ZNF142: variants seen among roughly 807,000 people sequenced by gnomAD.
ZNF142 encodes the protein zinc finger protein 142, also known as zinc finger protein 142 (clone pHZ-49).
A neutral mutation model predicts 132.1 loss-of-function variants in ZNF142; 96 were observed. That is an observed-to-expected ratio of 0.73 (90% CI 0.62 to 0.86). ZNF142 has a LOEUF of 0.86. Ranked by LOEUF, ZNF142 falls within the 40% of genes least tolerant of loss-of-function variation. The probability of loss-of-function intolerance (pLI) is 0.00; values close to 1 mark genes in which losing one functional copy is unlikely to be tolerated. For synonymous variants in ZNF142, 842 were observed against 890.1 expected, an observed-to-expected ratio of 0.95 and a Z score of 0.96; for missense variants, 2,163 against 2,336.2, an observed-to-expected ratio of 0.93 and a Z score of 1.53.
rs1369290598 is a variant in ZNF142, at chr2:218,644,568, G to T, written c.2548C>A (p.Pro850Thr). Residue 850 changes from proline (P) to threonine (T), a missense_variant, in exon 9 of 11, where the codon CCC becomes ACC. By Grantham distance (38) the Pro-to-Thr change is conservative. This residue lies in a region of ZNF142 where 749 missense variants were observed against 830.3 expected (regional missense o/e 0.90). Coordinates refer to ENST00000411696, the MANE Select transcript of ZNF142 (RefSeq NM_001379659.1). The surrounding 1 kb of genome is among the most constrained non-coding windows in gnomAD (Gnocchi z 4.6). ...TCTGGCAGGGCCTGGTCCAAGCTGG[G>T]GTCCACCACAGTCCCAGGTTCGTGA... ...PGHEPGTVVD[P>T]SLDQALPEMS... is the part of the protein sequence containing the mutation. 1.9e-6 allele frequency: 3 copies of T among 1,614,002 alleles called. No homozygotes were observed. The highest frequency in any genetic ancestry group is 2.7e-5 in the African/African-American group (2 of 74,926).
chr2:218,654,575 A>C (rs1938312273), intron 4 of ZNF142, among the ~76,000 whole-genome samples: 1 of 151,944 alleles, frequency 6.6e-6, no homozygotes, highest in Admixed American at 6.6e-5. Context: ...CATCTTGCCC[A>C]GGCTGGTCTC....
At position 218,633,844 on chromosome 2, in the gene ZNF142, A is replaced by G; in HGVS notation, c.*4495T>C. 6.6e-7 allele frequency: 1 copy of G among 1,507,548 alleles called. No individual in the cohort carries two copies. Among genetic ancestry groups the G allele is most frequent in the Non-Finnish European group, 9.1e-7 (1 of 1,099,572 alleles). The allele number at this position is 1,507,548 out of a possible 1,614,324, so 93.4% of individuals were successfully genotyped here. A position where few individuals can be genotyped will look rare whatever the true frequency, so the allele number is the denominator to read the frequency against. On this transcript the variant is annotated 3_prime_UTR_variant, in exon 11 of 11. Coordinates refer to ENST00000411696, the MANE Select transcript of ZNF142 (RefSeq NM_001379659.1). ...TGGACTGGCAGGTAAGTCCCAAGAA[A>G]AAAGACAAGGTAGCTAAGGAGAGAT...
In ZNF142 at chr2:218,648,906, C is replaced by T. The variant is rs1937699167; in HGVS notation, c.1602G>A (p.Glu534=). ...PMLFATAEAM[E]AHHKSHYAFH... ...AGGCGTAGTGACTCTTGTGGTGGGC[C>T]TCCATGGCTTCGGCTGTGGCAAAGA... Residue 534 remains glutamate, a synonymous_variant, in exon 7 of 11, where the codon GAG becomes GAA. Coordinates refer to ENST00000411696, the MANE Select transcript of ZNF142 (RefSeq NM_001379659.1). 4 of 1,614,106 alleles carry T rather than the reference C, an allele frequency of 2.5e-6. No homozygotes were observed. Among genetic ancestry groups the T allele is most frequent in the Non-Finnish European group, 2.5e-6 (3 of 1,180,046 alleles).
chr2:218,634,327 C>A lies in ZNF142; in HGVS notation c.*4012G>T. On this transcript the variant is annotated 3_prime_UTR_variant, in exon 11 of 11. Transcript: ENST00000411696. This position sits in a 1 kb window ranked among gnomAD's most constrained non-coding sequence, Gnocchi z 4.0. Reference sequence around the variant, plus strand: ...GGGAATGCTCAAGAAAATTGCTAGGCTGAGAAATGCTATCAGTGGATATTA... The same window carrying A: ...GGGAATGCTCAAGAAAATTGCTAGGATGAGAAATGCTATCAGTGGATATTA... 1 of 1,569,576 alleles carries A rather than the reference C, an allele frequency of 6.4e-7. No homozygotes were observed. Among genetic ancestry groups the A allele is most frequent in the Non-Finnish European group, 8.6e-7 (1 of 1,156,198 alleles).
rs772557736 is a variant in ZNF142 at position 218,656,251 on chromosome 2, A to C, written c.179T>G (p.Leu60Arg). The change falls in exon 4 of 11, where the codon CTG (leucine) becomes CGG (arginine). Residue 60 changes from leucine to arginine, a missense_variant. By Grantham distance (102) the Leu-to-Arg change is moderately radical. This residue lies in a region of ZNF142 where 195 missense variants were observed against 172.4 expected (regional missense o/e 1.13). Coordinates refer to ENST00000411696, the MANE Select transcript of ZNF142 (RefSeq NM_001379659.1). Reference sequence around the variant, plus strand: ...CTCTTCAGTTGCTGTGGCCTCTACCAGCAGGCAGCCTGGCTCAGTAGGTAT... The same window carrying C: ...CTCTTCAGTTGCTGTGGCCTCTACCCGCAGGCAGCCTGGCTCAGTAGGTAT... ...APIPTEPGCL[L>R]VEATATEEGP... 8 of 1,613,508 alleles carry C rather than the reference A, an allele frequency of 5.0e-6. No individual in the cohort carries two copies. The highest frequency in any genetic ancestry group is 6.8e-6 in the Non-Finnish European group (8 of 1,179,770).
At chr2:218,640,478 T>G (rs576059270) in intron 10 of ZNF142, among the ~76,000 whole-genome samples, 186 bp downstream of exon 10, 1 of 152,332 alleles carries the variant, frequency 6.6e-6, no homozygotes, top group Admixed American at 6.5e-5. Flanking sequence ...AGGTTTACCC[T>G]TCTGATTCTG....
rs550866903 is a variant in ZNF142 at position 218,638,813 on chromosome 2, A to C, written c.5195-5T>G. On this transcript the variant is annotated splice_region_variant and splice_polypyrimidine_tract_variant and intron_variant, in intron 10 of 10. Coordinates refer to ENST00000411696, the MANE Select transcript of ZNF142 (RefSeq NM_001379659.1). ...GACACTGGTATGGCTTCAGTCCTAC[A>C]GGACAGGGAACAAATCACCATTGAA... 12 of 1,582,702 alleles carry C rather than the reference A, an allele frequency of 7.6e-6. No individual in the cohort carries two copies. In the Admixed American group the frequency reaches 1.9e-4, roughly 25 times the overall value.
intron 9 of ZNF142, among the ~76,000 whole-genome samples, chr2:218,641,681 A>G (rs1697208377): frequency 6.6e-6 from 1 of 152,152 alleles, no homozygotes; most frequent in African/African-American, 2.4e-5. Context: ...CTGGGACTAC[A>G]GGTACTTGCC....
At chr2:218,657,561 T>A (rs1938626069) in intron 3 of ZNF142, among the ~76,000 whole-genome samples, 1 of 152,142 alleles carries the variant, frequency 6.6e-6, no homozygotes, top group Non-Finnish European at 1.5e-5. Context: ...CCTGAGTAGC[T>A]GGGATTACAG....
At position 218,637,141 on chromosome 2, in the gene ZNF142, C is replaced by T; in HGVS notation, c.*1198G>A. 1 of 310,646 alleles carries T rather than the reference C, an allele frequency of 3.2e-6. No homozygotes were observed. Among genetic ancestry groups the T allele is most frequent in the Non-Finnish European group, 6.3e-6 (1 of 157,588 alleles). The allele number at this position is 310,646 out of a possible 1,614,324, so 19.2% of individuals were successfully genotyped here. A position where few individuals can be genotyped will look rare whatever the true frequency, so the allele number is the denominator to read the frequency against. Reference sequence around the variant, plus strand: ...AAGTCCCCCACTGGACTGCTTCCTCCTTAGCCCCACTGGTATAAATACATC... The same window carrying T: ...AAGTCCCCCACTGGACTGCTTCCTCTTTAGCCCCACTGGTATAAATACATC... On this transcript the variant is annotated 3_prime_UTR_variant, in exon 11 of 11. Coordinates refer to ENST00000411696, the MANE Select transcript of ZNF142 (RefSeq NM_001379659.1).
intron 4 of ZNF142, among the ~76,000 whole-genome samples, chr2:218,655,157 TC>T (rs1404286629): frequency 3.9e-5 from 6 of 152,250 alleles, no homozygotes; most frequent in African/African-American, 1.4e-4. Context: ...GGTTTCTTTT[TC>T]TTACTGTGGC....
In ZNF142 at chr2:218,643,360, TC is replaced by T. The variant is rs751589999; in HGVS notation, c.3755del (p.Gly1252AspfsTer20). 1.9e-6 allele frequency: 3 copies of T among 1,613,340 alleles called. No individual in the cohort carries two copies. Among genetic ancestry groups the T allele is most frequent in the Non-Finnish European group, 2.5e-6 (3 of 1,179,842 alleles). ...TSHVAEGCRG[G>X]RGGGGKRGTP... ...TCCCTCGTTTTCCTCCCCCGCCACG[TC>T]CCCCCCTGCAGCCTTCAGCCACGTG... On this transcript the variant is annotated frameshift_variant, in exon 9 of 11. Coordinates refer to ENST00000411696, the MANE Select transcript of ZNF142 (RefSeq NM_001379659.1). LOFTEE classifies it high-confidence loss of function.
chr2:218,651,603 TTC>T, intron 5 of ZNF142, 96 bp downstream of exon 5: 1 of 1,177,418 alleles, frequency 8.5e-7, no homozygotes, highest in South Asian at 1.5e-5. Flanking sequence ...TTCTCTTATA[TTC>T]ATGTACATTC....
chr2:218,634,021 G>C lies in ZNF142; in HGVS notation c.*4318C>G. On this transcript the variant is annotated 3_prime_UTR_variant, in exon 11 of 11. Coordinates refer to ENST00000411696, the MANE Select transcript of ZNF142 (RefSeq NM_001379659.1). This position sits in a 1 kb window ranked among gnomAD's most constrained non-coding sequence, Gnocchi z 4.0. ...GCCAGCTTCAGATGCTGGAGAGAAGGGTGAAGAGTAGGCATGGTCCTTGGG... is the reference window on the plus strand; with the variant it reads ...GCCAGCTTCAGATGCTGGAGAGAAGCGTGAAGAGTAGGCATGGTCCTTGGG... 1 of 1,508,062 alleles carries C rather than the reference G, an allele frequency of 6.6e-7. No individual in the cohort carries two copies. Among genetic ancestry groups the C allele is most frequent in the Non-Finnish European group, 9.0e-7 (1 of 1,115,534 alleles). 93.4% of individuals were successfully genotyped at this position (1,508,062 alleles called of 1,614,324 possible).
chr2:218,636,154 C>A lies in ZNF142; in HGVS notation c.*2185G>T. ...TCCTTACCTGTAAAATGCTGATTGC[C>A]ATCTAGATTAAATGAGAACACAAGA... is the stretch of plus-strand genomic sequence containing the variant. On this transcript the variant is annotated 3_prime_UTR_variant, in exon 11 of 11. Coordinates refer to ENST00000411696, the MANE Select transcript of ZNF142 (RefSeq NM_001379659.1). 1 of 1,443,134 alleles carries A rather than the reference C, an allele frequency of 6.9e-7. No homozygotes were observed. Among genetic ancestry groups the A allele is most frequent in the Non-Finnish European group, 9.6e-7 (1 of 1,036,334 alleles). 89.4% of individuals were successfully genotyped at this position (1,443,134 alleles called of 1,614,324 possible). A position where few individuals can be genotyped will look rare whatever the true frequency, so the allele number is the denominator to read the frequency against.
chr2:218,649,840 G>A (rs1937815163), intron 6 of ZNF142, among the ~76,000 whole-genome samples: 1 of 152,200 alleles, frequency 6.6e-6, no homozygotes, highest in African/African-American at 2.4e-5. Context: ...CCCCAAGGGG[G>A]TGAGCCAAAA....
chr2:218,636,611 G>C lies in ZNF142; in HGVS notation c.*1728C>G, dbSNP rs1451273826. 2.5e-6 allele frequency: 4 copies of C among 1,588,876 alleles called. No homozygotes were observed. Among genetic ancestry groups the C allele is most frequent in the Non-Finnish European group, 3.5e-6 (4 of 1,159,246 alleles). On this transcript the variant is annotated 3_prime_UTR_variant, in exon 11 of 11. Coordinates refer to ENST00000411696, the MANE Select transcript of ZNF142 (RefSeq NM_001379659.1). ...TTTCACGGGAAGGGTTGGTGTGCTG[G>C]CTTTAGACGGGGAGAAACATCTGGA...
chr2:218,644,051 C>T lies in ZNF142; in HGVS notation c.3065G>A (p.Gly1022Glu), dbSNP rs1402346748. 1 of 1,614,116 alleles carries T rather than the reference C, an allele frequency of 6.2e-7. No homozygotes were observed. The highest frequency in any genetic ancestry group is 8.5e-7 in the Non-Finnish European group (1 of 1,180,014). Residue 1022 changes from glycine to glutamate, a missense_variant, in exon 9 of 11, where the codon GGG becomes GAG. Gly to Glu is a moderately conservative substitution (Grantham distance 98). Around this residue, in one of 7 missense-constraint regions of ZNF142, gnomAD observed 809 missense variants for 801.7 expected, o/e 1.01. Coordinates refer to ENST00000411696, the MANE Select transcript of ZNF142 (RefSeq NM_001379659.1). This position sits in a 1 kb window ranked among gnomAD's most constrained non-coding sequence, Gnocchi z 4.6. ...KEQAEALVLE[G>E]RVQMVVIQGE... The stretch of plus-strand genomic sequence containing the variant: ...CTGGATCACTACCATCTGCACCCGC[C>T]CCTCTAGCACCAATGCCTCTGCTTG...
rs1271985386 is a variant in ZNF142 at position 218,656,167 on chromosome 2, G to A, written c.263C>T (p.Ala88Val). The A allele has an allele frequency of 1.3e-6, 2 of 1,597,768 alleles. No homozygotes were observed. The highest frequency in any genetic ancestry group is 1.7e-6 in the Non-Finnish European group (2 of 1,169,516). Residue 88 changes from alanine (A) to valine (V), a missense_variant, in exon 4 of 11, where the codon GCT becomes GTT. Physicochemically the swap from Ala to Val is moderately conservative, Grantham distance 64 (BLOSUM62 0). Around this residue, in one of 7 missense-constraint regions of ZNF142, gnomAD observed 195 missense variants for 172.4 expected, o/e 1.13. Transcript: ENST00000411696. The part of the protein sequence containing the change: ...ETVAGTLTPG[A>V]PGETPGVLVK... ...GTTTGTACCTGGGGTCTCTCCAGGA[G>A]CACCTGGGGTCAGGGTTCCAGCTAC...
Sources: gnomAD v4.1 joint callset for allele counts (sites outside exome capture counted in the v4.1 genomes callset) on GRCh38, gnomAD v4.1.1 for gene constraint, gnomAD v4.1.1 regional missense constraint, Gnocchi (gnomAD v3.1) non-coding constraint, MANE v1.5 for transcripts, NCBI Gene and HGNC (gene_info 2026-07-23, HGNC 2026-07-21) for gene names.